Variants in KLF7 observed in about 807,000 individuals in gnomAD.
KLF7 encodes the protein Krueppel-like factor 7.
Under a neutral mutation model 27.3 loss-of-function variants are expected in KLF7, and 2 were observed. That is an observed-to-expected ratio of 0.07 (90% CI 0.03 to 0.23). The LOEUF (loss-of-function observed/expected upper bound fraction) is 0.23. Ranked by LOEUF, KLF7 falls within the 10% of genes least tolerant of loss-of-function variation. The pLI, the probability that KLF7 is intolerant of heterozygous loss-of-function variation, is 1.00. For missense variants in KLF7, 221 were observed against 394.1 expected, an observed-to-expected ratio of 0.56 and a Z score of 3.72; for synonymous variants, 165 against 162.4, an observed-to-expected ratio of 1.02 and a Z score of -0.12.
Position 207,080,990 on chromosome 2 carries a change from A to C in KLF7, c.*223T>G, listed in dbSNP as rs1436112561. On this transcript the variant is annotated 3_prime_UTR_variant, in exon 4 of 4. Transcript: ENST00000309446. ...CTGGCTAGGGCAAGGCATAAAGAATAGACGTATATATTTTAAATATAGTTG... is the reference window on the plus strand; with the variant it reads ...CTGGCTAGGGCAAGGCATAAAGAATCGACGTATATATTTTAAATATAGTTG... 6.0e-6 allele frequency: 3 copies of C among 498,266 alleles called. No homozygotes were observed. Among genetic ancestry groups the C allele is most frequent in the Non-Finnish European group, 7.1e-6 (2 of 281,374 alleles). 30.9% of individuals were successfully genotyped at this position (498,266 alleles called of 1,614,324 possible).
Position 207,081,083 on chromosome 2 carries a change from G to GTGTGTA in KLF7, c.*129_*130insTACACA. On this transcript the variant is annotated 3_prime_UTR_variant, in exon 4 of 4. Transcript: ENST00000309446. ...TATATGTGTGTGTGTGTGTGTGTGT[G>GTGTGTA]TACAGAGGTTTATAAGTGAGAACTT... 2 of 752,538 alleles carry GTGTGTA rather than the reference G, an allele frequency of 2.7e-6. No homozygotes were observed. Among genetic ancestry groups the GTGTGTA allele is most frequent in the Non-Finnish European group, 4.8e-6 (2 of 416,740 alleles). The allele number at this position is 752,538 out of a possible 1,614,324, so 46.6% of individuals were successfully genotyped here.
chr2:207,152,428 T>C (rs999613131), intron 1 of KLF7, among the ~76,000 whole-genome samples: 5 of 152,168 alleles, frequency 3.3e-5, no homozygotes, highest in Non-Finnish European at 7.3e-5. Flanking sequence ...TGTTTGGTAT[T>C]GTCTCATTTT....
chr2:207,132,003 T>C (rs2077650085), intron 1 of KLF7, among the ~76,000 whole-genome samples: 1 of 152,152 alleles, frequency 6.6e-6, no homozygotes, highest in Non-Finnish European at 1.5e-5. Context: ...AGTGCAAGCA[T>C]CCACCTTGGG....
chr2:207,126,901 A>G (rs897363164), intron 1 of KLF7, among the ~76,000 whole-genome samples: 4 of 151,950 alleles, frequency 2.6e-5, no homozygotes, highest in African/African-American at 9.7e-5. Context: ...CACATACTCA[A>G]TCATCACTGC....
chr2:207,139,818 C>A (rs548438901), intron 1 of KLF7, among the ~76,000 whole-genome samples: 1 of 152,298 alleles, frequency 6.6e-6, no homozygotes, highest in Non-Finnish European at 1.5e-5. Context: ...GACATTTCAA[C>A]CTGTCAACAT....
chr2:207,080,527 C>T lies in KLF7; in HGVS notation c.*686G>A, dbSNP rs1050719277. 12 of 266,156 alleles carry T rather than the reference C, an allele frequency of 4.5e-5. No individual in the cohort carries two copies. The highest frequency in any genetic ancestry group is 1.6e-4 in the Admixed American group (3 of 18,580). The allele number at this position is 266,156 out of a possible 1,614,324, so 16.5% of individuals were successfully genotyped here. On this transcript the variant is annotated 3_prime_UTR_variant, in exon 4 of 4. Coordinates refer to ENST00000309446, the MANE Select transcript of KLF7 (RefSeq NM_003709.4). ...GGCCAGAAAGGTGTAAGGTGTTATT[C>T]CAGTCTGCCGCCGCTAAGGCCGTTG... is the stretch of plus-strand genomic sequence containing the variant.
At chr2:207,159,964 C>A (rs1261491763) in intron 1 of KLF7, among the ~76,000 whole-genome samples, 2 of 152,042 alleles carry the variant, frequency 1.3e-5, no homozygotes, top group African/African-American at 2.4e-5. Flanking sequence ...TGGGGCACAG[C>A]AAAATCACAA....
rs1215463676 is a variant in KLF7 at position 207,165,610 on chromosome 2, G to A, written c.-42C>T. ...AAAACGGGAGGCGAAACCCTCCCCC[G>A]AACACAGTTGGGGCTGTTTGTTTGT... On this transcript the variant is annotated 5_prime_UTR_variant, in exon 1 of 4. Coordinates refer to ENST00000309446, the MANE Select transcript of KLF7 (RefSeq NM_003709.4). The A allele has an allele frequency of 3.1e-6, 5 of 1,611,826 alleles. No individual in the cohort carries two copies. The highest frequency in any genetic ancestry group is 3.3e-5 in the Admixed American group (2 of 59,978).
At chr2:207,082,899 A>G (rs1233391130) in intron 3 of KLF7, among the ~76,000 whole-genome samples, 3 of 152,198 alleles carry the variant, frequency 2.0e-5, no homozygotes, top group Non-Finnish European at 2.9e-5. Context: ...GTTTGTGTCC[A>G]TTCCTTAAAT....
chr2:207,142,684 G>A (rs1006792913), intron 1 of KLF7, among the ~76,000 whole-genome samples: 1 of 152,150 alleles, frequency 6.6e-6, no homozygotes, highest in Non-Finnish European at 1.5e-5. Context: ...TGGAGAAAGG[G>A]AACAATGACA....
At chr2:207,155,352 T>G (rs1250606128) in intron 1 of KLF7, among the ~76,000 whole-genome samples, 1 of 152,176 alleles carries the variant, frequency 6.6e-6, no homozygotes, top group Non-Finnish European at 1.5e-5. Context: ...ACCAATGGTT[T>G]TTTGCAACTC....
In KLF7 at chr2:207,078,105, G is replaced by A. The variant is rs1183602156; in HGVS notation, c.*3108C>T. 1.3e-5 allele frequency: 2 copies of A among 152,204 alleles called. No individual in the cohort carries two copies. The highest frequency in any genetic ancestry group is 6.5e-5 in the Admixed American group (1 of 15,276). 9.4% of individuals were successfully genotyped at this position (152,204 alleles called of 1,614,324 possible). A position where few individuals can be genotyped will look rare whatever the true frequency, so the allele number is the denominator to read the frequency against. On this transcript the variant is annotated 3_prime_UTR_variant, in exon 4 of 4. Transcript: ENST00000309446. The stretch of plus-strand genomic sequence containing the variant: ...CCATCTCTGCCACTGCAGAGGTGAT[G>A]GACGTTTTATTACAAATCCATTTCC...
At chr2:207,152,801 T>C (rs1483716872) in intron 1 of KLF7, among the ~76,000 whole-genome samples, 2 of 152,134 alleles carry the variant, frequency 1.3e-5, no homozygotes, top group African/African-American at 4.8e-5. Context: ...AATCAGAACA[T>C]TTTGGAGCGG....
At chr2:207,134,850 G>T (rs138218075) in intron 1 of KLF7, among the ~76,000 whole-genome samples, 95 of 152,210 alleles carry the variant, frequency 6.2e-4, no homozygotes, top group African/African-American at 2.2e-3. Flanking sequence ...TGTAAAATGG[G>T]GTAATAGTAG....
intron 1 of KLF7, among the ~76,000 whole-genome samples, chr2:207,149,369 T>C (rs1324906404): frequency 6.6e-6 from 1 of 152,206 alleles, no homozygotes; most frequent in East Asian, 1.9e-4. Context: ...GAAAGGGGCC[T>C]CCTGGGCCCA....
chr2:207,126,841 G>C (rs2077491033), intron 1 of KLF7, among the ~76,000 whole-genome samples: 1 of 151,908 alleles, frequency 6.6e-6, no homozygotes, highest in African/African-American at 2.4e-5. Flanking sequence ...CTGACTCATG[G>C]GGTATCAGAT....
chr2:207,084,464 A>C (rs2076342828), intron 3 of KLF7, among the ~76,000 whole-genome samples: 1 of 152,138 alleles, frequency 6.6e-6, no homozygotes, highest in Non-Finnish European at 1.5e-5. Flanking sequence ...AAGTAAACCA[A>C]ACCTTTAACA....
At position 207,075,152 on chromosome 2, in the gene KLF7, CAT is replaced by C. The variant is rs1388872031; in HGVS notation, c.*6059_*6060del. 6.6e-6 allele frequency: 1 copy of C among 152,012 alleles called. No individual in the cohort carries two copies. Among genetic ancestry groups the C allele is most frequent in the Non-Finnish European group, 1.5e-5 (1 of 68,022 alleles). The allele number at this position is 152,012 out of a possible 1,614,324, so 9.4% of individuals were successfully genotyped here. ...TACATTCTTAAATAAAAATGCGTCA[CAT>C]AACATTTTTTGCATAGATATCTTAC... On this transcript the variant is annotated 3_prime_UTR_variant, in exon 4 of 4. Transcript: ENST00000309446.
At chr2:207,146,389 A>G (rs1368181247) in intron 1 of KLF7, among the ~76,000 whole-genome samples, 1 of 152,180 alleles carries the variant, frequency 6.6e-6, no homozygotes, top group Non-Finnish European at 1.5e-5. Context: ...CTCTTCAAGT[A>G]CCAAGGCCTG....
Sources: allele counts gnomAD v4.1 joint callset (sites outside exome capture counted in the v4.1 genomes callset), GRCh38; gene constraint gnomAD v4.1.1; transcripts MANE v1.5; gene names NCBI Gene and HGNC (gene_info 2026-07-23, HGNC 2026-07-21).